ZSWIM6: variants seen among roughly 807,000 people sequenced by gnomAD.
ZSWIM6 encodes zinc finger SWIM domain-containing protein 6.
ZSWIM6 carries 9 observed loss-of-function variants against 113.2 expected under a neutral mutation model. The ratio of observed to expected loss-of-function variants is 0.08; its 90% CI spans 0.05 to 0.14. The LOEUF is 0.14. ZSWIM6 is among the 10% of genes least tolerant of loss of function. The pLI is 1.00. For missense variants in ZSWIM6, 1,162 were observed against 1,552.2 expected, an observed-to-expected ratio of 0.75 and a Z score of 4.22; for synonymous variants, 611 against 606.5, an observed-to-expected ratio of 1.01 and a Z score of -0.11.
At chr5:61,423,207 G>A (rs896081975) in intron 1 of ZSWIM6, among the ~76,000 whole-genome samples, 1 of 152,082 alleles carries the variant, frequency 6.6e-6, no homozygotes, top group Non-Finnish European at 1.5e-5. Context: ...AGGAGTTTGA[G>A]ACCAGCCTGG....
chr5:61,432,666 T>C (rs1746611906), intron 1 of ZSWIM6, among the ~76,000 whole-genome samples: 1 of 152,218 alleles, frequency 6.6e-6, no homozygotes, highest in African/African-American at 2.4e-5. Flanking sequence ...TGAGATAATA[T>C]TCATTTGTCT....
At chr5:61,519,998 G>T (rs1749069207) in intron 4 of ZSWIM6, among the ~76,000 whole-genome samples, 1 of 152,118 alleles carries the variant, frequency 6.6e-6, no homozygotes, top group Non-Finnish European at 1.5e-5. Flanking sequence ...AACTTAGATG[G>T]TAATACTTGT....
chr5:61,340,380 T>G (rs2112025689), intron 1 of ZSWIM6, among the ~76,000 whole-genome samples: 1 of 152,274 alleles, frequency 6.6e-6, no homozygotes, highest in East Asian at 1.9e-4. Flanking sequence ...TGTCCACAGG[T>G]GAACAGAAAA....
chr5:61,354,787 G>A (rs1744864945), intron 1 of ZSWIM6, among the ~76,000 whole-genome samples: 1 of 152,136 alleles, frequency 6.6e-6, no homozygotes, highest in Non-Finnish European at 1.5e-5. Context: ...AGTTGAGGGA[G>A]TTTCTCAAAG....
intron 4 of ZSWIM6, among the ~76,000 whole-genome samples, chr5:61,514,493 G>A (rs1344853186): frequency 6.6e-6 from 1 of 151,862 alleles, no homozygotes; most frequent in African/African-American, 2.4e-5. Context: ...CTATTATTGT[G>A]TTAACTATAG....
intron 1 of ZSWIM6, chr5:61,375,629 A>G: frequency 6.5e-7 from 1 of 1,539,234 alleles, no homozygotes; most frequent in Admixed American, 2.0e-5. Flanking sequence ...AAAGAAAAGG[A>G]TATTAAAGGA....
At chr5:61,461,605 G>A (rs1385700127) in intron 1 of ZSWIM6, among the ~76,000 whole-genome samples, 1 of 152,166 alleles carries the variant, frequency 6.6e-6, no homozygotes, top group Non-Finnish European at 1.5e-5. Context: ...AGTCAGTAAG[G>A]CAGAGCTGTA....
At position 61,545,656 on chromosome 5, in the gene ZSWIM6, TC is replaced by T. The variant is rs1158218170; in HGVS notation, c.*1340del. 6.6e-6 allele frequency: 1 copy of T among 152,114 alleles called. No homozygotes were observed. Among genetic ancestry groups the T allele is most frequent in the African/African-American group, 2.4e-5 (1 of 41,442 alleles). 9.4% of individuals were successfully genotyped at this position (152,114 alleles called of 1,614,324 possible). ...GTATGACTGTTCTACTTTTCAGTTT[TC>T]TTTTTTTTTAATATATTTTATTTTC... On this transcript the variant is annotated 3_prime_UTR_variant, in exon 14 of 14. Coordinates refer to ENST00000252744, the MANE Select transcript of ZSWIM6 (RefSeq NM_020928.2).
At chr5:61,383,594 G>A (rs1745529650) in intron 1 of ZSWIM6, among the ~76,000 whole-genome samples, 1 of 151,574 alleles carries the variant, frequency 6.6e-6, no homozygotes, top group South Asian at 2.1e-4. Context: ...GGAGTGCAGT[G>A]GTGCAGTCTC....
intron 1 of ZSWIM6, among the ~76,000 whole-genome samples, chr5:61,333,592 C>G (rs1334366435): frequency 6.6e-6 from 1 of 151,270 alleles, no homozygotes; most frequent in Non-Finnish European, 1.5e-5. Flanking sequence ...ACTGGCCGCC[C>G]GGGGTTTAAA....
At chr5:61,477,479 C>T (rs547981943) in intron 2 of ZSWIM6, among the ~76,000 whole-genome samples, 2 of 152,256 alleles carry the variant, frequency 1.3e-5, no homozygotes, top group Non-Finnish European at 2.9e-5. Context: ...ACCTAGGCTC[C>T]GTACTGCAAA....
intron 1 of ZSWIM6, among the ~76,000 whole-genome samples, chr5:61,349,584 G>A (rs986759326): frequency 3.9e-5 from 6 of 152,054 alleles, no homozygotes; most frequent in African/African-American, 7.2e-5. Context: ...TCCAAATACC[G>A]TGTAGGGTTT....
At chr5:61,454,215 ATTTTATTTTATTTTAT>A (rs1170804911) in intron 1 of ZSWIM6, among the ~76,000 whole-genome samples, 1 of 3,038 alleles carries the variant, frequency 3.3e-4, no homozygotes, top group Admixed American at 2.1e-3. Flanking sequence ...AGTTCCCTAA[ATTTTATTTTATTTTAT>A]TTTATTTTAT....
At chr5:61,519,823 G>C (rs1749064991) in intron 4 of ZSWIM6, among the ~76,000 whole-genome samples, 2 of 152,138 alleles carry the variant, frequency 1.3e-5, no homozygotes, top group Admixed American at 1.3e-4. Context: ...CGGATGGGGG[G>C]TGGGAGAGGA....
intron 4 of ZSWIM6, among the ~76,000 whole-genome samples, chr5:61,497,363 T>G (rs1286846745): frequency 6.6e-6 from 1 of 152,198 alleles, no homozygotes; most frequent in Non-Finnish European, 1.5e-5. Flanking sequence ...GTAACATTTA[T>G]TTTAACTTTT....
intron 1 of ZSWIM6, among the ~76,000 whole-genome samples, chr5:61,405,633 G>T (rs1364348847): frequency 6.6e-6 from 1 of 152,222 alleles, no homozygotes; most frequent in African/African-American, 2.4e-5. Flanking sequence ...AAGACAACAG[G>T]CATGTTTGAA....
chr5:61,395,552 C>T (rs986019212), intron 1 of ZSWIM6, among the ~76,000 whole-genome samples: 2 of 152,118 alleles, frequency 1.3e-5, no homozygotes, highest in African/African-American at 4.8e-5. Context: ...GGGCTATACA[C>T]ATGATGATAG....
At chr5:61,432,497 A>G (rs894687596) in intron 1 of ZSWIM6, among the ~76,000 whole-genome samples, 1 of 152,240 alleles carries the variant, frequency 6.6e-6, no homozygotes, top group African/African-American at 2.4e-5. Flanking sequence ...CTGGGCACCA[A>G]ACGATTTGGG....
chr5:61,535,334 T>C, intron 9 of ZSWIM6, 150 bp from the exon 10 acceptor site: 2 of 1,000,940 alleles, frequency 2.0e-6, no homozygotes, highest in Non-Finnish European at 2.9e-6. Flanking sequence ...GAATCTTTTT[T>C]GATTAAGGAT....
Sources: gnomAD v4.1 joint callset for allele counts (sites outside exome capture counted in the v4.1 genomes callset) on GRCh38, gnomAD v4.1.1 for gene constraint, MANE v1.5 for transcripts, NCBI Gene and HGNC (gene_info 2026-07-23, HGNC 2026-07-21) for gene names.